Variants in POM121 observed in about 807,000 individuals in gnomAD.
POM121 encodes the protein nuclear envelope pore membrane protein POM 121.
Under a neutral mutation model 81.3 loss-of-function variants are expected in POM121, and 32 were observed. The ratio of observed to expected loss-of-function variants is 0.39; its 90% confidence interval spans 0.30 to 0.53. POM121 has a LOEUF of 0.53. Among genes scored for constraint, POM121 ranks in the 20% least tolerant of loss-of-function variants. POM121 has a pLI of 0.66. For synonymous variants in POM121, 514 were observed against 694.2 expected, an observed-to-expected ratio of 0.74 and a Z score of 4.08; for missense variants, 1,138 against 1,614.6, an observed-to-expected ratio of 0.70 and a Z score of 5.06.
chr7:72,883,523 T>C (rs1448057844), intron 1 of POM121, among the ~76,000 whole-genome samples: 2 of 152,188 alleles, frequency 1.3e-5, no homozygotes, highest in Non-Finnish European at 2.9e-5. Context: ...ATGTGGCAGT[T>C]GGGTTAAATC....
upstream of POM121, chr7:72,924,873 T>A (rs1586144540): frequency 3.7e-6 from 2 of 538,434 alleles, no homozygotes; most frequent in East Asian, 7.3e-5. Context: ...CCCTTTTATC[T>A]TGGACGCGAT....
chr7:72,894,010 A>T (rs577411039), intron 3 of POM121, among the ~76,000 whole-genome samples: 1 of 151,688 alleles, frequency 6.6e-6, no homozygotes, highest in African/African-American at 2.4e-5. Context: ...GATGGCTCAC[A>T]CCTGTAATCC....
intron 5 of POM121, among the ~76,000 whole-genome samples, chr7:72,933,833 A>G (rs1230431260): frequency 6.6e-6 from 1 of 152,260 alleles, no homozygotes; most frequent in Non-Finnish European, 1.5e-5. Context: ...TGACTGAATA[A>G]CTTACAGTAT....
At chr7:72,898,841 C>A (rs1326472740) in intron 3 of POM121, among the ~76,000 whole-genome samples, 4 of 147,386 alleles carry the variant, frequency 2.7e-5, no homozygotes, top group Non-Finnish European at 4.5e-5. Flanking sequence ...AATGTGGCAA[C>A]AGAATTTGGA....
chr7:72,940,673 C>G, intron 9 of POM121, 144 bp from the exon 10 acceptor site: 1 of 1,144,464 alleles, frequency 8.7e-7, no homozygotes, highest in Admixed American at 2.0e-5. Context: ...CCGTGTTGGT[C>G]TTCACGGGAA....
chr7:72,924,531 C>T (rs1795153107), upstream of POM121: 1 of 152,284 alleles, frequency 6.6e-6, no homozygotes, highest in African/African-American at 2.4e-5. Flanking sequence ...ACAAAAAAGC[C>T]TATAACCATG....
At chr7:72,924,961 A>T, upstream of POM121, 1 of 1,238,334 alleles carries the variant, frequency 8.1e-7, no homozygotes, top group Non-Finnish European at 1.0e-6. Flanking sequence ...AACAGGCGTT[A>T]AAGGCAGGCG....
At chr7:72,908,373 G>A (rs1554493762) in intron 3 of POM121, among the ~76,000 whole-genome samples, 1 of 152,208 alleles carries the variant, frequency 6.6e-6, no homozygotes, top group African/African-American at 2.4e-5. Flanking sequence ...GGGAGTCTAT[G>A]ACTAGGGTGT....
At chr7:72,949,257 G>T (rs1563180720), downstream of POM121, 2 of 825,922 alleles carry the variant, frequency 2.4e-6, no homozygotes, top group Admixed American at 3.4e-5. Flanking sequence ...GATGACTCCA[G>T]GTCTAAGCTG....
chr7:72,939,315 T>C (rs1586177040), intron 6 of POM121, 21 bp from the exon 7 acceptor site: 5 of 1,613,294 alleles, frequency 3.1e-6, no homozygotes, highest in Non-Finnish European at 4.2e-6. Context: ...CTAGACTAAA[T>C]TGTTCCTTTT....
rs1554497035 is a variant in POM121, at chr7:72,925,444, C to G, written c.323C>G (p.Ser108Trp). 6.5e-6 allele frequency: 10 copies of G among 1,533,848 alleles called. No individual in the cohort carries two copies. Among genetic ancestry groups the G allele is most frequent in the Non-Finnish European group, 7.8e-6 (9 of 1,146,608 alleles). Residue 108 changes from serine (S) to tryptophan (W), a missense_variant, in exon 1 of 13, where the codon TCG becomes TGG. Around this residue, in one of 7 missense-constraint regions of POM121, gnomAD observed 646 missense variants for 633.5 expected, o/e 1.02. Coordinates refer to ENST00000434423, the MANE Select transcript of POM121 (RefSeq NM_001387691.1). ...KARHRRTLFA[S>W]PLAKSTANGN... ...CGTCATCGGCGAACACTGTTCGCTT[C>G]GCCTCTGGCCAAGTCGACAGCCAAC...
intron 3 of POM121, among the ~76,000 whole-genome samples, chr7:72,904,517 A>G (rs1472972478): frequency 6.6e-6 from 1 of 152,198 alleles, no homozygotes; most frequent in Non-Finnish European, 1.5e-5. Context: ...ACAGGAAAAC[A>G]CAATGCTTTG....
intron 3 of POM121, among the ~76,000 whole-genome samples, chr7:72,904,332 G>T (rs1305719555): frequency 2.0e-5 from 3 of 152,226 alleles, no homozygotes; most frequent in Non-Finnish European, 4.4e-5. Flanking sequence ...CTGTTAGCAC[G>T]CCTCTAGTTT....
At chr7:72,906,081 T>C (rs1324876230) in intron 3 of POM121, among the ~76,000 whole-genome samples, 1 of 152,254 alleles carries the variant, frequency 6.6e-6, no homozygotes, top group East Asian at 1.9e-4. Context: ...AAAGCGTTTC[T>C]TCCTTGTGTT....
At chr7:72,899,937 G>A (rs1209769128) in intron 3 of POM121, among the ~76,000 whole-genome samples, 2 of 152,018 alleles carry the variant, frequency 1.3e-5, no homozygotes, top group Non-Finnish European at 2.9e-5. Context: ...CTCTACAGTC[G>A]TCATATGAGT....
chr7:72,902,157 A>G (rs1258149642), intron 3 of POM121, among the ~76,000 whole-genome samples: 3 of 151,458 alleles, frequency 2.0e-5, no homozygotes, highest in Admixed American at 1.3e-4. Context: ...AGTTTCATCT[A>G]CCTGTCTTCA....
In POM121 at chr7:72,904,100, G is replaced by T. The variant is rs555453270; in HGVS notation, c.-215-9665G>T. ...ATTACAGGCATGAGCCACTGCACCC[G>T]GCCCAGTCTGTGTACAGCTTTGCCC... On this transcript the variant is annotated intron_variant, in intron 3 of 15. Coordinates refer to the POM121 transcript ENST00000395270. 2.0e-5 allele frequency among the ~76,000 whole-genome samples: 3 copies of T among 152,256 alleles called. No individual in the cohort carries two copies. In the South Asian group the frequency reaches 6.2e-4, roughly 32 times the overall value.
intron 5 of POM121, 63 bp from the exon 6 acceptor site, chr7:72,938,527 G>A (rs1239662081): frequency 8.6e-6 from 13 of 1,512,596 alleles, no homozygotes; most frequent in African/African-American, 2.8e-5. Flanking sequence ...AAGAGACTTT[G>A]TCGTGTTGAG....
intron 3 of POM121, among the ~76,000 whole-genome samples, chr7:72,904,448 T>A (rs1286323501): frequency 6.6e-6 from 1 of 152,158 alleles, no homozygotes; most frequent in Non-Finnish European, 1.5e-5. Context: ...CTACGTGAGT[T>A]CTGGGTTAGG....
Sources: allele counts gnomAD v4.1 joint callset (sites outside exome capture counted in the v4.1 genomes callset), GRCh38; gene constraint gnomAD v4.1.1; regional missense constraint gnomAD v4.1.1; transcripts MANE v1.5; gene names NCBI Gene and HGNC (gene_info 2026-07-23, HGNC 2026-07-21).